ABCA13: variants seen among roughly 807,000 people sequenced by gnomAD.
The protein encoded by ABCA13 is ATP binding cassette subfamily A member 13, also known as ATP-binding cassette sub-family A member 13.
In ABCA13, 476 loss-of-function variants were observed where a neutral mutation model predicts 478.7. The ratio of observed to expected loss-of-function variants is 0.99; its 90% confidence interval spans 0.92 to 1.07. The LOEUF is 1.07. Ranked by LOEUF, ABCA13 falls within the 50% of genes least tolerant of loss-of-function variation. The probability of loss-of-function intolerance (pLI) is 0.00; values close to 1 mark genes in which losing one functional copy is unlikely to be tolerated. For synonymous variants in ABCA13, 2,252 were observed against 2,158.9 expected, an observed-to-expected ratio of 1.04 and a Z score of -1.20; for missense variants, 6,060 against 5,910.6, an observed-to-expected ratio of 1.03 and a Z score of -0.83.
At chr7:48,387,770 T>G (rs1815409055) in intron 35 of ABCA13, 52 bp from the exon 36 acceptor site, 1 of 1,361,666 alleles carries the variant, frequency 7.3e-7, no homozygotes, top group East Asian at 2.5e-5. Context: ...TCTAATACAG[T>G]ACCTTCATCT....
rs550365575 is a variant in ABCA13 at position 48,345,383 on chromosome 7, C to T, written c.10205-5260C>T. On this transcript the variant is annotated intron_variant, in intron 29 of 61. Transcript: ENST00000435803. The stretch of plus-strand genomic sequence containing the variant: ...AATCCATTGCTAGCACAGGAGATGA[C>T]AGCTCTGCGTGTGTTAGTGCCCTGA... Among the ~76,000 whole-genome samples the T allele has an allele frequency of 3.4e-4, 52 of 152,260 alleles. 1 individual carries two copies. In the South Asian group the frequency reaches 5.4e-3, roughly 16 times the overall value.
chr7:48,389,053 A>T lies in ABCA13; in HGVS notation c.11487A>T (p.Gln3829His). 1 of 1,613,754 alleles carries T rather than the reference A, an allele frequency of 6.2e-7. No individual in the cohort carries two copies. Among genetic ancestry groups the T allele is most frequent in the South Asian group, 1.1e-5 (1 of 91,048 alleles). The change falls in exon 37 of 62, where the codon CAA becomes CAT. Residue 3829 changes from glutamine (Q) to histidine (H), a missense_variant. This residue lies in a region of ABCA13 where 1,627 missense variants were observed against 1,571.0 expected (regional missense o/e 1.04). Coordinates refer to ENST00000435803, the MANE Select transcript of ABCA13 (RefSeq NM_152701.5). ...TCTCTCTCACAGGGTCATCACTGCA[A>T]AACAGGGAAGGAGAGCTTGAAGGAA... is the stretch of plus-strand genomic sequence containing the variant. ...ENFDNKGSSL[Q>H]NREGELEGSA...
chr7:48,475,245 AATGGGTGTGGCT>A (rs952769055), intron 45 of ABCA13, among the ~76,000 whole-genome samples: 11 of 152,118 alleles, frequency 7.2e-5, no homozygotes, highest in Admixed American at 1.3e-4. Context: ...AGTCCTAAGC[AATGGGTGTGGCT>A]ACTCTTTGGG....
intron 45 of ABCA13, among the ~76,000 whole-genome samples, chr7:48,473,259 A>G (rs1451914523): frequency 2.0e-5 from 3 of 152,166 alleles, no homozygotes; most frequent in Non-Finnish European, 1.5e-5. Context: ...TGCCTGGCCC[A>G]GGCTAGCTCT....
chr7:48,279,273 C>T lies in ABCA13; in HGVS notation c.8079C>T (p.Phe2693=), dbSNP rs1796708956. The T allele has an allele frequency of 6.3e-7, 1 of 1,588,234 alleles. No individual in the cohort carries two copies. The highest frequency in any genetic ancestry group is 8.6e-7 in the Non-Finnish European group (1 of 1,165,396). The change falls in exon 18 of 62, where the codon TTC becomes TTT. Residue 2693 remains phenylalanine, a synonymous_variant. Transcript: ENST00000435803. The part of the protein sequence containing the change: ...PINNITNQMD[F]LYPNPISTHS... ...ATAACATCACCAACCAAATGGACTT[C>T]TTATACCCTAATCCAATTTCCACTC... is the stretch of plus-strand genomic sequence containing the variant.
chr7:48,511,635 C>CT (rs879802575), intron 51 of ABCA13, among the ~76,000 whole-genome samples: 18 of 151,924 alleles, frequency 1.2e-4, no homozygotes, highest in Admixed American at 3.9e-4. Flanking sequence ...ATTTCTATCA[C>CT]TTTTTTTTCA....
At chr7:48,565,832 C>T (rs1364160841) in intron 55 of ABCA13, among the ~76,000 whole-genome samples, 1 of 152,072 alleles carries the variant, frequency 6.6e-6, no homozygotes, top group African/African-American at 2.4e-5. Flanking sequence ...GGGCCTTCTC[C>T]TAACAAACAC....
At chr7:48,583,819 C>G (rs1788926430) in intron 56 of ABCA13, among the ~76,000 whole-genome samples, 3 of 152,196 alleles carry the variant, frequency 2.0e-5, no homozygotes, top group African/African-American at 7.2e-5. Context: ...GCAGAAAAGA[C>G]TACAGCAAAA....
intron 55 of ABCA13, among the ~76,000 whole-genome samples, chr7:48,553,958 A>G (rs535754506): frequency 2.8e-4 from 43 of 151,888 alleles, no homozygotes; most frequent in Non-Finnish European, 4.9e-4. Context: ...TCATATTTTG[A>G]GGTGTTAGAT....
chr7:48,269,360 T>A (rs1418630385), intron 16 of ABCA13, among the ~76,000 whole-genome samples: 1 of 152,208 alleles, frequency 6.6e-6, no homozygotes, highest in East Asian at 1.9e-4. Flanking sequence ...AATAACATGA[T>A]TTATAATAGA....
chr7:48,305,085 T>A (rs1241314779), intron 23 of ABCA13, among the ~76,000 whole-genome samples: 1 of 152,240 alleles, frequency 6.6e-6, no homozygotes, highest in African/African-American at 2.4e-5. Flanking sequence ...TTCTTAGTAG[T>A]AACGTCATTT....
intron 56 of ABCA13, among the ~76,000 whole-genome samples, chr7:48,583,797 G>A (rs1046573980): frequency 1.3e-5 from 2 of 152,192 alleles, no homozygotes; most frequent in South Asian, 4.1e-4. Flanking sequence ...TACTTTGACA[G>A]TATTGCTGAG....
At chr7:48,276,642 A>AC in intron 17 of ABCA13, 77 bp downstream of exon 17, 1 of 1,227,498 alleles carries the variant, frequency 8.1e-7, no homozygotes, top group Non-Finnish European at 1.2e-6. Context: ...GAGTATAGAC[A>AC]TGTCAAAAAC....
chr7:48,232,379 A>T (rs1789278086), intron 7 of ABCA13, among the ~76,000 whole-genome samples: 1 of 152,004 alleles, frequency 6.6e-6, no homozygotes, highest in Non-Finnish European at 1.5e-5. Context: ...ACAACAACAA[A>T]TTTGCCTTAC....
At chr7:48,346,025 T>C (rs73097197) in intron 29 of ABCA13, among the ~76,000 whole-genome samples, 19,496 of 152,264 alleles carry the variant, frequency 0.13, 1,440 homozygotes, top group East Asian at 0.31. Flanking sequence ...TACAATAACA[T>C]TCTATGCAGG....
intron 3 of ABCA13, among the ~76,000 whole-genome samples, chr7:48,211,449 C>G (rs1419671527): frequency 6.6e-6 from 1 of 152,198 alleles, no homozygotes; most frequent in Non-Finnish European, 1.5e-5. Flanking sequence ...AAGTCTCTTG[C>G]TCTCTTCCTT....
chr7:48,326,575 G>A (rs1015840695), intron 27 of ABCA13, among the ~76,000 whole-genome samples: 9 of 152,186 alleles, frequency 5.9e-5, no homozygotes, highest in African/African-American at 1.7e-4. Context: ...ATAGGGGTTG[G>A]CAATTGTCAT....
At chr7:48,209,308 C>T (rs1300295649) in intron 3 of ABCA13, among the ~76,000 whole-genome samples, 1 of 151,798 alleles carries the variant, frequency 6.6e-6, no homozygotes, top group Non-Finnish European at 1.5e-5. Context: ...GAAATATTGG[C>T]CTCTGGTTTT....
chr7:48,554,980 T>C (rs1785662482), intron 55 of ABCA13, among the ~76,000 whole-genome samples: 1 of 151,748 alleles, frequency 6.6e-6, no homozygotes, highest in Non-Finnish European at 1.5e-5. Context: ...TGTGGGTCTG[T>C]TGTATATGAC....
Sources: gnomAD v4.1 joint callset for allele counts (sites outside exome capture counted in the v4.1 genomes callset) on GRCh38, gnomAD v4.1.1 for gene constraint, gnomAD v4.1.1 regional missense constraint, MANE v1.5 for transcripts, NCBI Gene and HGNC (gene_info 2026-07-23, HGNC 2026-07-21) for gene names.